Variants in PKP4 observed in about 807,000 individuals in gnomAD.
PKP4 encodes the protein plakophilin-4.
A neutral mutation model predicts 145.1 loss-of-function variants in PKP4; 90 were observed. That is an observed-to-expected ratio of 0.62 (90% CI 0.52 to 0.74). The LOEUF is 0.74. Ranked by LOEUF, PKP4 falls within the 30% of genes least tolerant of loss-of-function variation. PKP4 has a pLI of 0.00. For missense variants in PKP4, 1,340 were observed against 1,482.7 expected (o/e 0.90, Z 1.58); for synonymous variants, 563 against 577.2 (o/e 0.98, Z 0.35).
chr2:158,579,331 T>G (rs983554938), intron 3 of PKP4, among the ~76,000 whole-genome samples: 2 of 152,072 alleles, frequency 1.3e-5, no homozygotes, highest in Non-Finnish European at 2.9e-5. Context: ...GACGAGAGAT[T>G]ACAGCACCTG....
chr2:158,616,030 T>C (rs973491464), intron 4 of PKP4, among the ~76,000 whole-genome samples: 3 of 152,216 alleles, frequency 2.0e-5, no homozygotes, highest in South Asian at 2.1e-4. Context: ...GAAATCCAAC[T>C]TTTAAATGAT....
intron 2 of PKP4, among the ~76,000 whole-genome samples, chr2:158,558,064 C>A (rs1300442005): frequency 6.6e-6 from 1 of 152,158 alleles, no homozygotes; most frequent in East Asian, 1.9e-4. Flanking sequence ...AGAACACAGG[C>A]CCTAGGGTGA....
Position 158,631,866 on chromosome 2 carries a change from C to T in PKP4, c.1267C>T (p.Pro423Ser), listed in dbSNP as rs200989584. The T allele has an allele frequency of 1.2e-6, 2 of 1,614,094 alleles. No individual in the cohort carries two copies. Among genetic ancestry groups the T allele is most frequent in the East Asian group, 4.5e-5 (2 of 44,882 alleles). Residue 423 changes from proline to serine, a missense_variant, in exon 8 of 22, where the codon CCA (proline) becomes TCA (serine). Coordinates refer to ENST00000389759, the MANE Select transcript of PKP4 (RefSeq NM_003628.6). ...ATATGAGGGGAGGACCTATTACAGC[C>T]CAGTGTACCGCAGCCCAAACCATGG... The part of the protein sequence containing the change: ...PIYEGRTYYS[P>S]VYRSPNHGTV...
rs149478211 is a variant in PKP4 at position 158,566,043 on chromosome 2, C to T, written c.133-11228C>T. Among the ~76,000 whole-genome samples the T allele has an allele frequency of 8.0e-4, 122 of 152,324 alleles. 3 individuals carry two copies. In the East Asian group the frequency reaches 0.02, roughly 25 times the overall value. On this transcript the variant is annotated intron_variant, in intron 2 of 21. Coordinates refer to ENST00000389759, the MANE Select transcript of PKP4 (RefSeq NM_003628.6). Reference sequence around the variant, plus strand: ...AATTCTAGTACCCCTGCCACCCACACACACATTAAGCCACAGAATATCTGC... The same window carrying T: ...AATTCTAGTACCCCTGCCACCCACATACACATTAAGCCACAGAATATCTGC...
At chr2:158,580,889 A>G (rs2048274771) in intron 3 of PKP4, among the ~76,000 whole-genome samples, 1 of 152,168 alleles carries the variant, frequency 6.6e-6, no homozygotes, top group South Asian at 2.1e-4. Context: ...CTGAATTCCC[A>G]TCACTGTTTC....
At chr2:158,637,882 T>G (rs2105924861) in intron 9 of PKP4, among the ~76,000 whole-genome samples, 1 of 152,356 alleles carries the variant, frequency 6.6e-6, no homozygotes. Flanking sequence ...TAGCAGTTTT[T>G]CGAGGGTAAA....
chr2:158,498,778 T>TGTTGACC (rs1341533449), intron 1 of PKP4, among the ~76,000 whole-genome samples: 1 of 152,006 alleles, frequency 6.6e-6, no homozygotes, highest in Non-Finnish European at 1.5e-5. Flanking sequence ...CATATAATAC[T>TGTTGACC]GTTGACCCAG....
intron 11 of PKP4, among the ~76,000 whole-genome samples, chr2:158,651,146 G>C (rs1206939462): frequency 6.6e-6 from 1 of 152,192 alleles, no homozygotes; most frequent in Non-Finnish European, 1.5e-5. Flanking sequence ...GTTTCACTTA[G>C]ATTTCGTAAT....
In PKP4 at chr2:158,504,016, CAT is replaced by C. The variant is rs1442673075; in HGVS notation, c.-5-29162_-5-29161del. Among the ~76,000 whole-genome samples, 18 of 115,116 alleles carry C rather than the reference CAT, an allele frequency of 1.6e-4. 2 individuals are homozygous for C. The highest frequency in any genetic ancestry group is 1.2e-3 in the South Asian group (4 of 3,472). 75.5% of individuals were successfully genotyped at this position (115,116 alleles called of 152,430 possible). A position where few individuals can be genotyped will look rare whatever the true frequency, so the allele number is the denominator to read the frequency against. Reference sequence around the variant, plus strand: ...GTAATGAGTTTGAGATATAAGAAAACATAGAAAACGTTTGCCATAGATTTTAT... The same window carrying C: ...GTAATGAGTTTGAGATATAAGAAAACAGAAAACGTTTGCCATAGATTTTAT... On this transcript the variant is annotated intron_variant, in intron 1 of 21. Coordinates refer to ENST00000389759, the MANE Select transcript of PKP4 (RefSeq NM_003628.6).
chr2:158,644,157 G>C (rs2528574), intron 11 of PKP4, among the ~76,000 whole-genome samples: 138,512 of 152,276 alleles, frequency 0.91, 63,088 homozygotes, highest in East Asian at 0.97. Context: ...CTTTAAATGC[G>C]TTCTTCCAGC....
chr2:158,631,382 T>C (rs1483443715), intron 7 of PKP4, among the ~76,000 whole-genome samples: 3 of 152,042 alleles, frequency 2.0e-5, no homozygotes, highest in Admixed American at 6.6e-5. Flanking sequence ...TATGTATGTA[T>C]ATATGTATTT....
intron 2 of PKP4, among the ~76,000 whole-genome samples, chr2:158,556,554 A>G (rs536207471): frequency 2.0e-5 from 3 of 149,960 alleles, no homozygotes; most frequent in South Asian, 4.2e-4. Context: ...GTACTTACCA[A>G]TTCTTGTTTC....
At chr2:158,567,685 T>C (rs1326708798) in intron 2 of PKP4, among the ~76,000 whole-genome samples, 1 of 152,188 alleles carries the variant, frequency 6.6e-6, no homozygotes, top group African/African-American at 2.4e-5. Flanking sequence ...TAGAGATTAT[T>C]GGTGAGTAGT....
intron 2 of PKP4, among the ~76,000 whole-genome samples, chr2:158,539,135 C>T (rs192279595): frequency 3.3e-4 from 50 of 152,214 alleles, no homozygotes; most frequent in Admixed American, 7.9e-4. Flanking sequence ...ATTCTATCTT[C>T]AGTATGTCCT....
chr2:158,577,181 C>T, intron 2 of PKP4, 90 bp from the exon 3 acceptor site: 1 of 748,054 alleles, frequency 1.3e-6, no homozygotes, highest in Non-Finnish European at 2.2e-6. Flanking sequence ...GGGTACGTTC[C>T]TATGTTTCCT....
intron 7 of PKP4, among the ~76,000 whole-genome samples, chr2:158,625,999 A>ACCG (rs2052747289): frequency 6.6e-6 from 1 of 152,168 alleles, no homozygotes; most frequent in Non-Finnish European, 1.5e-5. Flanking sequence ...TCCCTAATAC[A>ACCG]GCTGTTCCAA....
At chr2:158,481,496 A>G (rs1693348317) in intron 1 of PKP4, among the ~76,000 whole-genome samples, 1 of 152,130 alleles carries the variant, frequency 6.6e-6, no homozygotes, top group African/African-American at 2.4e-5. Context: ...CACAGTTTTT[A>G]CTTTCCCACT....
At chr2:158,649,405 GA>G (rs1558950451) in intron 11 of PKP4, among the ~76,000 whole-genome samples, 1 of 151,894 alleles carries the variant, frequency 6.6e-6, no homozygotes, top group Non-Finnish European at 1.5e-5. Flanking sequence ...AAAGGGAAAA[GA>G]AAAAAAGCCC....
chr2:158,592,346 G>C (rs1004590498), intron 3 of PKP4, among the ~76,000 whole-genome samples: 2 of 151,988 alleles, frequency 1.3e-5, no homozygotes, highest in African/African-American at 4.8e-5. Context: ...GTAGAATATT[G>C]ACTGTTTCCT....
Sources: allele counts gnomAD v4.1 joint callset (sites outside exome capture counted in the v4.1 genomes callset), GRCh38; gene constraint gnomAD v4.1.1; transcripts MANE v1.5; gene names NCBI Gene and HGNC (gene_info 2026-07-23, HGNC 2026-07-21).